Variants in BAIAP2 observed in about 807,000 individuals in gnomAD.
BAIAP2 encodes BAR/IMD domain containing adaptor protein 2.
Under a neutral mutation model 63.0 loss-of-function variants are expected in BAIAP2, and 18 were observed. The ratio of observed to expected loss-of-function variants is 0.29; its 90% confidence interval spans 0.20 to 0.42. The LOEUF is 0.42. Among genes scored for constraint, BAIAP2 ranks in the 10% least tolerant of loss-of-function variants. BAIAP2 has a pLI of 1.00. For synonymous variants in BAIAP2, 386 were observed against 307.6 expected, an observed-to-expected ratio of 1.25 and a Z score of -2.67; for missense variants, 610 against 734.3, an observed-to-expected ratio of 0.83 and a Z score of 1.96.
chr17:81,045,367 C>A (rs2047663436), intron 1 of BAIAP2, among the ~76,000 whole-genome samples: 1 of 152,162 alleles, frequency 6.6e-6, no homozygotes, highest in Non-Finnish European at 1.5e-5. Context: ...AGGGCAGAAG[C>A]GCCTGGCTCA....
chr17:81,035,163 C>A lies in BAIAP2; in HGVS notation c.-92C>A, dbSNP rs1044014508. 2.1e-5 allele frequency: 23 copies of A among 1,095,072 alleles called. No individual in the cohort carries two copies. The Admixed American group carries it at 4.4e-4, about 21-fold the overall frequency. 67.8% of individuals were successfully genotyped at this position (1,095,072 alleles called of 1,614,324 possible). A position where few individuals can be genotyped will look rare whatever the true frequency, so the allele number is the denominator to read the frequency against. On this transcript the variant is annotated 5_prime_UTR_variant, in exon 1 of 14. Transcript: ENST00000428708. ...GACGCCGGGCTCTGTGGTTCGGGTC[C>A]GCTTTCGTCTCCGTCCTGCTGCCGT... is the stretch of plus-strand genomic sequence containing the variant.
intron 6 of BAIAP2, among the ~76,000 whole-genome samples, chr17:81,092,765 G>T (rs1376823800): frequency 6.6e-6 from 1 of 152,196 alleles, no homozygotes; most frequent in Non-Finnish European, 1.5e-5. Flanking sequence ...TGCTGGGCCA[G>T]GTGCTGACAG....
chr17:81,036,480 G>A (rs1436505846), intron 1 of BAIAP2, among the ~76,000 whole-genome samples: 2 of 152,390 alleles, frequency 1.3e-5, no homozygotes, highest in South Asian at 2.1e-4. Context: ...TTAGCTCTCA[G>A]GCTTGGGAGA....
intron 13 of BAIAP2, chr17:81,110,065 C>T (rs1598841212): frequency 3.0e-6 from 3 of 985,484 alleles, no homozygotes; most frequent in Non-Finnish European, 3.6e-6. Context: ...ATTGTCTCTT[C>T]CCACACTGAA....
chr17:81,067,762 C>T (rs865857654), intron 3 of BAIAP2, among the ~76,000 whole-genome samples: 7 of 152,226 alleles, frequency 4.6e-5, no homozygotes, highest in South Asian at 2.1e-4. Context: ...TGAGCGCTCA[C>T]GCCACAGCGT....
At chr17:81,067,185 C>T (rs1008553722) in intron 3 of BAIAP2, among the ~76,000 whole-genome samples, 1 of 152,242 alleles carries the variant, frequency 6.6e-6, no homozygotes, top group Non-Finnish European at 1.5e-5. Flanking sequence ...ACTATTCCTC[C>T]CTCCCTACAG....
At chr17:81,083,605 TGTG>T (rs916910474) in intron 3 of BAIAP2, 3 of 152,002 alleles carry the variant, frequency 2.0e-5, no homozygotes, top group Admixed American at 1.3e-4. Context: ...TTCTGTCCCA[TGTG>T]GTGCTGATGG....
chr17:81,036,701 G>T (rs889304209), intron 1 of BAIAP2, among the ~76,000 whole-genome samples: 1 of 152,262 alleles, frequency 6.6e-6, no homozygotes, highest in Admixed American at 6.5e-5. Context: ...TGAGGAGTCG[G>T]CTTGGGAAAG....
At chr17:81,086,643 C>T (rs2055697263) in intron 6 of BAIAP2, 63 bp downstream of exon 6, 3 of 1,590,554 alleles carry the variant, frequency 1.9e-6, no homozygotes, top group African/African-American at 1.3e-5. Context: ...ACCCCTCGGC[C>T]CCCCTCGTCC....
At position 81,084,813 on chromosome 17, in the gene BAIAP2, C is replaced by T; in HGVS notation, c.218-19C>T. Reference sequence around the variant, plus strand: ...AGCACCTGACTCCCTCCCCTTCCTTCTGCTGTTCTGCTTCCCAGGAGACGT... The same window carrying T: ...AGCACCTGACTCCCTCCCCTTCCTTTTGCTGTTCTGCTTCCCAGGAGACGT... On this transcript the variant is annotated intron_variant, in intron 3 of 13. Coordinates refer to ENST00000428708, the MANE Select transcript of BAIAP2 (RefSeq NM_001144888.2). The T allele has an allele frequency of 1.2e-6, 2 of 1,613,004 alleles. No homozygotes were observed. Among genetic ancestry groups the T allele is most frequent in the Non-Finnish European group, 8.5e-7 (1 of 1,179,770 alleles).
intron 13 of BAIAP2, chr17:81,109,100 G>C (rs1376737883): frequency 1.6e-5 from 23 of 1,475,960 alleles, no homozygotes; most frequent in Non-Finnish European, 1.9e-5. Context: ...TTCTTGGGTT[G>C]TTTTTCTTTT....
chr17:81,099,362 C>A (rs986636916), intron 6 of BAIAP2, among the ~76,000 whole-genome samples: 1 of 152,194 alleles, frequency 6.6e-6, no homozygotes, highest in African/African-American at 2.4e-5. Context: ...GTCCCCTCTG[C>A]AGCAGAGGGC....
At chr17:81,050,040 G>A (rs947021013) in intron 1 of BAIAP2, among the ~76,000 whole-genome samples, 4 of 152,236 alleles carry the variant, frequency 2.6e-5, no homozygotes, top group African/African-American at 9.6e-5. Context: ...CTCTTCAGGG[G>A]CCACTGGGCT....
intron 6 of BAIAP2, among the ~76,000 whole-genome samples, chr17:81,093,750 G>A (rs2057189408): frequency 1.3e-5 from 2 of 152,174 alleles, no homozygotes; most frequent in African/African-American, 4.8e-5. Flanking sequence ...GGGGAGAGAT[G>A]CGTGCTATTT....
intron 1 of BAIAP2, among the ~76,000 whole-genome samples, chr17:81,038,348 G>A (rs999198279): frequency 2.0e-5 from 3 of 152,236 alleles, no homozygotes; most frequent in African/African-American, 4.8e-5. Context: ...TCTCGTGTCC[G>A]CAGAGAAGCC....
intron 6 of BAIAP2, among the ~76,000 whole-genome samples, chr17:81,093,715 A>G (rs575773712): frequency 1.3e-5 from 2 of 152,244 alleles, no homozygotes; most frequent in East Asian, 1.9e-4. Flanking sequence ...TGCGAGGCCT[A>G]TAGCCTGGAT....
chr17:81,035,487 G>C (rs1173249341), intron 1 of BAIAP2, among the ~76,000 whole-genome samples, 179 bp downstream of exon 1: 1 of 148,588 alleles, frequency 6.7e-6, no homozygotes, highest in Non-Finnish European at 1.5e-5. Context: ...TGGTGAGCCC[G>C]GCGCCGGCCG....
intron 2 of BAIAP2, among the ~76,000 whole-genome samples, chr17:81,057,111 AT>A (rs1482887798): frequency 2.0e-5 from 3 of 152,236 alleles, no homozygotes; most frequent in Non-Finnish European, 4.4e-5. Flanking sequence ...CGGATTAGAA[AT>A]TGTAATTACA....
intron 7 of BAIAP2, among the ~76,000 whole-genome samples, chr17:81,102,130 A>C (rs1283962473): frequency 8.1e-6 from 1 of 124,188 alleles, no homozygotes; most frequent in Non-Finnish European, 1.8e-5. Flanking sequence ...CGTGTGTGGA[A>C]GAGGCCTGTG....
Sources: allele counts gnomAD v4.1 joint callset (sites outside exome capture counted in the v4.1 genomes callset), GRCh38; gene constraint gnomAD v4.1.1; transcripts MANE v1.5; gene names NCBI Gene and HGNC (gene_info 2026-07-23, HGNC 2026-07-21).